The following ABCA4 variants were observed in gnomAD, a reference collection of about 807,000 sequenced individuals.
ABCA4 encodes the protein ATP binding cassette subfamily A member 4.
Under a neutral mutation model 263.7 loss-of-function variants are expected in ABCA4, and 196 were observed. That is an observed-to-expected ratio of 0.74 (90% confidence interval 0.66 to 0.84). The LOEUF is 0.84. Ranked by LOEUF, ABCA4 falls within the 40% of genes least tolerant of loss-of-function variation. ABCA4 has a pLI of 0.00. For missense variants in ABCA4, 2,792 were observed against 2,855.1 expected (o/e 0.98, Z 0.50); for synonymous variants, 1,133 against 1,094.2 (o/e 1.04, Z -0.70).
chr1:94,021,914 C>T lies in ABCA4; in HGVS notation c.4705G>A (p.Val1569Ile), dbSNP rs373023236. Residue 1569 changes from valine (V) to isoleucine (I), a missense_variant, in exon 33 of 50, where the codon GTC becomes ATC. By Grantham distance (29) the Val-to-Ile change is conservative. Transcript: ENST00000370225. ...GISIGGKLPVVPITGEALVGF... is the reference protein window; with the variant it reads ...GISIGGKLPVIPITGEALVGF... ...ACAAGTGCTTCCCCCGTGATGGGGA[C>T]GACTGGGAGCTTTCCTCCAATGGAA... The T allele has an allele frequency of 2.6e-5, 42 of 1,614,058 alleles. No homozygotes were observed. The highest frequency in any genetic ancestry group is 5.3e-5 in the African/African-American group (4 of 74,914).
chr1:94,104,912 C>A (rs1476078122), intron 4 of ABCA4, among the ~76,000 whole-genome samples: 1 of 152,150 alleles, frequency 6.6e-6, no homozygotes, highest in Non-Finnish European at 1.5e-5. Flanking sequence ...TCATACACAG[C>A]CTTGTACACT....
chr1:94,120,887 G>GGCCCCCCCC, intron 1 of ABCA4, 93 bp downstream of exon 1: 10 of 339,360 alleles, frequency 2.9e-5, no homozygotes, highest in Non-Finnish European at 4.8e-5. Context: ...CCCCCACCCT[G>GGCCCCCCCC]CCCCACCACC....
rs1168052786 is a variant in ABCA4 at position 94,032,002 on chromosome 1, G to A, written c.3904C>T (p.Pro1302Ser). The A allele has an allele frequency of 6.2e-7, 1 of 1,613,608 alleles. No homozygotes were observed. The highest frequency in any genetic ancestry group is 8.5e-7 in the Non-Finnish European group (1 of 1,180,038). The change falls in exon 27 of 50, where the codon CCC (proline) becomes TCC (serine). Residue 1302 changes from proline to serine, a missense_variant. Coordinates refer to ENST00000370225, the MANE Select transcript of ABCA4 (RefSeq NM_000350.3). ...GCCTTCTCTCTGGGACCCAAGCAGG[G>A]GTGTCGGGGGTTGACGTTTTCTCTT... ...QKRENVNPRH[P>S]CLGPREKAGQ...
Position 94,044,654 on chromosome 1 carries a change from C to G in ABCA4, c.3009G>C (p.Gln1003His). The change falls in exon 20 of 50, where the codon CAG (glutamine) becomes CAC (histidine). Residue 1003 changes from glutamine to histidine, a missense_variant. By Grantham distance (24) the Gln-to-His change is conservative. Transcript: ENST00000370225. ...TGTGCTGTGGACACATGCCAAGGCTCTGCCGGACTGCATCCAGGCTGGTTT... is the reference window on the plus strand; with the variant it reads ...TGTGCTGTGGACACATGCCAAGGCTGTGCCGGACTGCATCCAGGCTGGTTT... ...DIETSLDAVR[Q>H]SLGMCPQHNI... The G allele has an allele frequency of 1.9e-6, 3 of 1,614,226 alleles. No homozygotes were observed. The highest frequency in any genetic ancestry group is 2.5e-6 in the Non-Finnish European group (3 of 1,180,056).
intron 1 of ABCA4, 80 bp from the exon 2 acceptor site, chr1:94,113,146 C>A (rs1190066501): frequency 7.6e-7 from 1 of 1,317,408 alleles, no homozygotes; most frequent in Non-Finnish European, 1.1e-6. Flanking sequence ...AGACACAGCC[C>A]TCCTCAGATC....
intron 16 of ABCA4, 84 bp downstream of exon 16, chr1:94,055,026 GA>G: frequency 7.4e-7 from 1 of 1,344,210 alleles, no homozygotes; most frequent in Non-Finnish European, 1.1e-6. Context: ...GAGCTTGGAA[GA>G]AATGAAATTT....
In ABCA4 at chr1:94,021,349, C is replaced by T. The variant is rs61754056; in HGVS notation, c.4909G>A (p.Ala1637Thr). Residue 1637 changes from alanine (A) to threonine (T), a missense_variant, in exon 35 of 50, where the codon GCC (alanine) becomes ACC (threonine). By Grantham distance (58) the Ala-to-Thr change is moderately conservative. Transcript: ENST00000370225. Reference protein sequence around the residue: ...LVSFLNVAHNAILRASLPKDR... With the variant: ...LVSFLNVAHNTILRASLPKDR... Reference sequence around the variant, plus strand: ...TTAGGCAGGCTGGCCCGTAAGATGGCGTTGTGGGCCACATTGAGAAAGCTG... The same window carrying T: ...TTAGGCAGGCTGGCCCGTAAGATGGTGTTGTGGGCCACATTGAGAAAGCTG... The T allele has an allele frequency of 1.4e-4, 228 of 1,614,032 alleles. No individual in the cohort carries two copies. The highest frequency in any genetic ancestry group is 1.8e-4 in the Non-Finnish European group (215 of 1,180,044).
At chr1:94,085,815 C>T (rs150291315) in intron 6 of ABCA4, among the ~76,000 whole-genome samples, 1 of 152,282 alleles carries the variant, frequency 6.6e-6, no homozygotes, top group African/African-American at 2.4e-5. Context: ...CCTAGCTCTG[C>T]TCTCTATTCC....
intron 32 of ABCA4, among the ~76,000 whole-genome samples, chr1:94,023,078 C>G (rs991264164): frequency 2.0e-5 from 3 of 152,180 alleles, no homozygotes; most frequent in Non-Finnish European, 2.9e-5. Context: ...ACAAGGCCCT[C>G]TTGTTGGAGT....
At chr1:94,067,918 C>G (rs549354957) in intron 11 of ABCA4, among the ~76,000 whole-genome samples, 2 of 152,280 alleles carry the variant, frequency 1.3e-5, no homozygotes, top group East Asian at 3.9e-4. Flanking sequence ...TATACCAAAC[C>G]GTCTCACAAA....
Position 94,063,335 on chromosome 1 carries a change from G to T in ABCA4, c.1555-18C>A. On this transcript the variant is annotated intron_variant, in intron 11 of 49. Coordinates refer to ENST00000370225, the MANE Select transcript of ABCA4 (RefSeq NM_000350.3). ...ACCAAGCACTGCAGAGAGTCACAAA[G>T]TTGAGAGAGTGTGAGGAGGACCAAC... 4 of 1,612,728 alleles carry T rather than the reference G, an allele frequency of 2.5e-6. No individual in the cohort carries two copies. The highest frequency in any genetic ancestry group is 3.4e-6 in the Non-Finnish European group (4 of 1,178,744).
At chr1:93,996,877 A>G (rs1309717038) in intron 48 of ABCA4, among the ~76,000 whole-genome samples, 1 of 152,216 alleles carries the variant, frequency 6.6e-6, no homozygotes, top group Non-Finnish European at 1.5e-5. Context: ...GTCCTCGCAT[A>G]ATAAGCCAGA....
chr1:94,056,498 A>T, intron 15 of ABCA4, 103 bp downstream of exon 15: 1 of 1,283,048 alleles, frequency 7.8e-7, no homozygotes, highest in Non-Finnish European at 1.1e-6. Context: ...CTTAGGTCAA[A>T]GGCAAAGTGG....
rs74813553 is a variant in ABCA4, at chr1:94,017,923, T to G, written c.5196+1659A>C. 9.1e-3 allele frequency among the ~76,000 whole-genome samples: 1,394 copies of G among 152,354 alleles called. 22 individuals carry two copies. The highest frequency in any genetic ancestry group is 0.031 in the African/African-American group (1,307 of 41,576). The stretch of plus-strand genomic sequence containing the variant: ...AACATCATATATGTGCTAAGTGAAT[T>G]ACATAAGCAATAATTGTTTGTTCCT... On this transcript the variant is annotated intron_variant, in intron 36 of 49. Transcript: ENST00000370225.
In ABCA4 at chr1:94,113,024, GA is replaced by G. The variant is rs62642569; in HGVS notation, c.108del (p.Leu37TrpfsTer3). ...GCATTCCTTAACCAGATCAAGACCA[GA>G]AATAAAGATAAAGGCCACACGAGTT... is the stretch of plus-strand genomic sequence containing the variant. ...VVELVWPLSLFLVLIWLRNAN... is the reference protein window; with the variant it reads ...VVELVWPLSLXLVLIWLRNAN... On this transcript the variant is annotated frameshift_variant, in exon 2 of 50. Transcript: ENST00000370225. LOFTEE classifies it high-confidence loss of function. 1 of 1,614,064 alleles carries G rather than the reference GA, an allele frequency of 6.2e-7. No individual in the cohort carries two copies. The highest frequency in any genetic ancestry group is 8.5e-7 in the Non-Finnish European group (1 of 1,180,000).
At chr1:94,046,618 C>T (rs1660691082) in intron 19 of ABCA4, among the ~76,000 whole-genome samples, 1 of 152,064 alleles carries the variant, frequency 6.6e-6, no homozygotes. Flanking sequence ...ACTGTGGTGC[C>T]TGGCTTTTGC....
At chr1:94,005,365 C>T in intron 44 of ABCA4, 76 bp downstream of exon 44, 1 of 1,569,242 alleles carries the variant, frequency 6.4e-7, no homozygotes, top group Non-Finnish European at 8.8e-7. Flanking sequence ...TTTCTCATCT[C>T]CAAGAGAATG....
chr1:94,103,284 G>A (rs896028633), intron 4 of ABCA4, 142 bp from the exon 5 acceptor site: 1 of 1,071,072 alleles, frequency 9.3e-7, no homozygotes, highest in Non-Finnish European at 1.4e-6. Flanking sequence ...AGCCCCTAGA[G>A]GTGAGGCTCT....
chr1:94,074,078 G>T (rs1661475281), intron 11 of ABCA4, among the ~76,000 whole-genome samples: 1 of 152,160 alleles, frequency 6.6e-6, no homozygotes, highest in Admixed American at 6.5e-5. Context: ...TAATAGGTCT[G>T]TAAACATGCA....
Sources: gnomAD v4.1 joint callset for allele counts (sites outside exome capture counted in the v4.1 genomes callset) on GRCh38, gnomAD v4.1.1 for gene constraint, MANE v1.5 for transcripts, NCBI Gene and HGNC (gene_info 2026-07-23, HGNC 2026-07-21) for gene names.